CDH12: variants seen among roughly 807,000 people sequenced by gnomAD.
The protein encoded by CDH12 is cadherin-12.
A neutral mutation model predicts 74.1 loss-of-function variants in CDH12; 41 were observed. The ratio of observed to expected loss-of-function variants is 0.55; its 90% CI spans 0.43 to 0.72. The LOEUF is 0.72. Among genes scored for constraint, CDH12 ranks in the 30% least tolerant of loss-of-function variants. The pLI is 0.00. For synonymous variants in CDH12, 399 were observed against 355.0 expected (o/e 1.12, Z -1.39); for missense variants, 945 against 977.2 (o/e 0.97, Z 0.44).
intron 3 of CDH12, among the ~76,000 whole-genome samples, chr5:22,305,138 T>C (rs1370889567): frequency 6.6e-6 from 1 of 152,216 alleles, no homozygotes; most frequent in Non-Finnish European, 1.5e-5. Flanking sequence ...TTGGATTTGT[T>C]GTTTTTAAAA....
At chr5:21,778,169 G>A (rs1339998944) in intron 11 of CDH12, among the ~76,000 whole-genome samples, 11 of 151,970 alleles carry the variant, frequency 7.2e-5, no homozygotes. Flanking sequence ...CTCATCCTCA[G>A]AATGTGTTCT....
intron 4 of CDH12, among the ~76,000 whole-genome samples, chr5:22,117,452 TA>T (rs1745190237): frequency 1.3e-5 from 1 of 79,882 alleles, no homozygotes; most frequent in Admixed American, 1.9e-4. Context: ...ATATATAATA[TA>T]TATATTATAT....
chr5:22,813,945 CTT>C (rs1286487733), intron 1 of CDH12, among the ~76,000 whole-genome samples: 2 of 152,106 alleles, frequency 1.3e-5, no homozygotes, highest in Non-Finnish European at 2.9e-5. Context: ...GAGGCAATAA[CTT>C]TGTATTTTTT....
intron 1 of CDH12, among the ~76,000 whole-genome samples, chr5:22,560,378 C>T (rs1434541103): frequency 1.3e-5 from 2 of 152,078 alleles, no homozygotes; most frequent in African/African-American, 4.8e-5. Context: ...TGGTAGCTCT[C>T]TCAAGTATGA....
intron 5 of CDH12, among the ~76,000 whole-genome samples, chr5:22,068,317 T>G (rs1741706902): frequency 6.6e-6 from 1 of 152,182 alleles, no homozygotes; most frequent in Admixed American, 6.5e-5. Context: ...GTGCTCCCTA[T>G]CAGCTGAGAG....
At chr5:21,902,630 C>T (rs1753444189) in intron 6 of CDH12, among the ~76,000 whole-genome samples, 1 of 152,112 alleles carries the variant, frequency 6.6e-6, no homozygotes, top group Non-Finnish European at 1.5e-5. Context: ...TAAATGAGTG[C>T]TAATAGAACT....
At chr5:21,904,069 G>A (rs956510525) in intron 6 of CDH12, among the ~76,000 whole-genome samples, 1 of 152,156 alleles carries the variant, frequency 6.6e-6, no homozygotes, top group Non-Finnish European at 1.5e-5. Context: ...TGCCTCTGTA[G>A]TCTCTTCTCT....
At chr5:21,959,473 G>T (rs1343223039) in intron 6 of CDH12, among the ~76,000 whole-genome samples, 2 of 152,128 alleles carry the variant, frequency 1.3e-5, no homozygotes, top group Admixed American at 1.3e-4. Flanking sequence ...CTGTCTTTGA[G>T]ACCTATCTCA....
At chr5:22,631,977 T>C (rs1341130462) in intron 1 of CDH12, among the ~76,000 whole-genome samples, 1 of 152,110 alleles carries the variant, frequency 6.6e-6, no homozygotes, top group Non-Finnish European at 1.5e-5. Flanking sequence ...CAATGGGGAT[T>C]GCAATTTGAC....
intron 10 of CDH12, among the ~76,000 whole-genome samples, chr5:21,801,691 G>A (rs1171458869): frequency 6.6e-6 from 1 of 152,098 alleles, no homozygotes; most frequent in Non-Finnish European, 1.5e-5. Flanking sequence ...CAGTAGACAA[G>A]TTTGTTACAC....
chr5:22,490,391 G>A (rs1006912581), intron 2 of CDH12, among the ~76,000 whole-genome samples: 1 of 152,022 alleles, frequency 6.6e-6, no homozygotes, highest in Non-Finnish European at 1.5e-5. Flanking sequence ...AGATGTTATA[G>A]AGTTCTGCTT....
At chr5:22,287,382 C>A (rs1224318800) in intron 3 of CDH12, among the ~76,000 whole-genome samples, 1 of 151,940 alleles carries the variant, frequency 6.6e-6, no homozygotes, top group African/African-American at 2.4e-5. Context: ...ATTTATATTA[C>A]CAAATATAAA....
At chr5:22,605,803 TG>T (rs2126818996) in intron 1 of CDH12, among the ~76,000 whole-genome samples, 1 of 152,360 alleles carries the variant, frequency 6.6e-6, no homozygotes, top group East Asian at 1.9e-4. Flanking sequence ...TTGGTGTGCT[TG>T]TTTTCCATCT....
rs371297706 is a variant in CDH12 at position 22,716,052 on chromosome 5, G to A, written c.-523+137006C>T. On this transcript the variant is annotated intron_variant, in intron 1 of 14. Transcript: ENST00000382254. ...CTTGGGAAGCTGAGGCAGGAGAATT[G>A]CTTGAACCTGGGAGGCAGAGATTGC... Among the ~76,000 whole-genome samples, 44 of 152,064 alleles carry A rather than the reference G, an allele frequency of 2.9e-4. No individual in the cohort carries two copies. In the East Asian group the frequency reaches 5.1e-3, roughly 17 times the overall value.
At chr5:22,046,422 TTTAA>T (rs1739954557) in intron 5 of CDH12, among the ~76,000 whole-genome samples, 1 of 147,816 alleles carries the variant, frequency 6.8e-6, no homozygotes, top group African/African-American at 2.6e-5. Flanking sequence ...TCACTGGTCA[TTTAA>T]TTTCTTTTTT....
At chr5:22,767,390 T>A (rs2127065082) in intron 1 of CDH12, among the ~76,000 whole-genome samples, 1 of 152,176 alleles carries the variant, frequency 6.6e-6, no homozygotes, top group South Asian at 2.1e-4. Flanking sequence ...AGAAACATTA[T>A]TTTATGATAT....
At chr5:22,233,851 T>A (rs1218113257) in intron 3 of CDH12, among the ~76,000 whole-genome samples, 1 of 152,212 alleles carries the variant, frequency 6.6e-6, no homozygotes, top group Non-Finnish European at 1.5e-5. Context: ...TTATGTCCCA[T>A]AGTCACAGTT....
intron 1 of CDH12, among the ~76,000 whole-genome samples, chr5:22,696,050 T>G (rs1742339110): frequency 6.6e-6 from 1 of 152,132 alleles, no homozygotes; most frequent in Admixed American, 6.6e-5. Flanking sequence ...CCCACCAGAA[T>G]AGGTTTTAGT....
intron 4 of CDH12, among the ~76,000 whole-genome samples, chr5:22,190,346 ATCTG>A (rs554465233): frequency 0.2 from 30,326 of 148,176 alleles, 3,044 homozygotes; most frequent in Non-Finnish European, 0.23. Context: ...TCATGCCTCC[ATCTG>A]TCTGTCTGTC....
Sources: allele counts gnomAD v4.1 joint callset (sites outside exome capture counted in the v4.1 genomes callset), GRCh38; gene constraint gnomAD v4.1.1; transcripts MANE v1.5; gene names NCBI Gene and HGNC (gene_info 2026-07-23, HGNC 2026-07-21).